The following LHFPL4 variants were observed in gnomAD, a reference collection of about 807,000 sequenced individuals.
LHFPL4 encodes LHFPL tetraspan subfamily member 4.
In LHFPL4, 6 loss-of-function variants were observed where a neutral mutation model predicts 20.0. The observed-to-expected ratio is 0.30, with a 90% CI of 0.16 to 0.59. The LOEUF is 0.59. Among genes scored for constraint, LHFPL4 ranks in the 20% least tolerant of loss-of-function variants. LHFPL4 has a pLI of 0.88. For synonymous variants in LHFPL4, 129 were observed against 143.8 expected (o/e 0.90, Z 0.74); for missense variants, 215 against 331.2 (o/e 0.65, Z 2.72).
intron 2 of LHFPL4, among the ~76,000 whole-genome samples, chr3:9,507,176 C>A (rs980808326): frequency 6.6e-6 from 1 of 152,296 alleles, no homozygotes; most frequent in African/African-American, 2.4e-5. Flanking sequence ...ACACTTAGCA[C>A]GGTGCCAGGC....
chr3:9,541,068 G>A (rs2046473405), intron 2 of LHFPL4, among the ~76,000 whole-genome samples: 1 of 151,888 alleles, frequency 6.6e-6, no homozygotes, highest in South Asian at 2.1e-4. Flanking sequence ...GCCTCCCTGA[G>A]TAGCTGGGAT....
chr3:9,514,201 G>A (rs2046282772), intron 2 of LHFPL4, among the ~76,000 whole-genome samples: 1 of 152,232 alleles, frequency 6.6e-6, no homozygotes, highest in South Asian at 2.1e-4. Context: ...CAGTACTTTG[G>A]GAGGATGAGG....
intron 2 of LHFPL4, among the ~76,000 whole-genome samples, chr3:9,527,890 C>T (rs2046385464): frequency 6.6e-6 from 1 of 150,594 alleles, no homozygotes; most frequent in South Asian, 2.1e-4. Context: ...GGTTCCAGAC[C>T]ACCGTAATAA....
At chr3:9,505,913 T>C (rs1004213006) in intron 3 of LHFPL4, 54 bp downstream of exon 3, 1 of 1,504,678 alleles carries the variant, frequency 6.6e-7, no homozygotes, top group African/African-American at 1.4e-5. Context: ...TTATCCTGCC[T>C]CCCAGGACCA....
At chr3:9,535,574 A>G (rs779252084) in intron 2 of LHFPL4, among the ~76,000 whole-genome samples, 1 of 141,284 alleles carries the variant, frequency 7.1e-6, no homozygotes, top group Non-Finnish European at 1.6e-5. Flanking sequence ...ATAATTTTTA[A>G]AAAGCAATAA....
intron 2 of LHFPL4, among the ~76,000 whole-genome samples, chr3:9,510,939 AAAATAAATAAATAAATAAAT>A (rs201323329): frequency 2.7e-5 from 4 of 147,454 alleles, no homozygotes; most frequent in East Asian, 2.0e-4. Context: ...CTCCATCTCA[AAAATAAATAAATAAATAAAT>A]AAATAAATAA....
At chr3:9,533,553 T>C (rs150109146) in intron 2 of LHFPL4, among the ~76,000 whole-genome samples, 20 of 152,278 alleles carry the variant, frequency 1.3e-4, no homozygotes, top group African/African-American at 4.3e-4. Context: ...GAGGCCAAGG[T>C]GGGCGGATCA....
At chr3:9,536,463 T>C (rs898213872) in intron 2 of LHFPL4, among the ~76,000 whole-genome samples, 2 of 152,104 alleles carry the variant, frequency 1.3e-5, no homozygotes, top group Non-Finnish European at 2.9e-5. Context: ...CCAATCCATT[T>C]GCAAGGCTGA....
At chr3:9,509,168 T>C (rs2046240558) in intron 2 of LHFPL4, among the ~76,000 whole-genome samples, 1 of 152,150 alleles carries the variant, frequency 6.6e-6, no homozygotes, top group South Asian at 2.1e-4. Flanking sequence ...GCACGTTTTT[T>C]CTGCCTCTGT....
chr3:9,529,028 C>T lies in LHFPL4; in HGVS notation c.407-22825G>A, dbSNP rs116479608. Among the ~76,000 whole-genome samples, 9 of 142,278 alleles carry T rather than the reference C, an allele frequency of 6.3e-5. No individual in the cohort carries two copies. In the South Asian group the frequency reaches 2.0e-3, roughly 32 times the overall value. The allele number at this position is 142,278 out of a possible 152,430, so 93.3% of individuals were successfully genotyped here. ...CACCTCCCGGGTTTAGGAAAATCAC[C>T]AATGTTCTTTTTTTTTTTTAGATGG... On this transcript the variant is annotated intron_variant, in intron 2 of 3. Transcript: ENST00000287585.
Position 9,502,278 on chromosome 3 carries a change from C to T in LHFPL4, c.677G>A (p.Arg226Gln), listed in dbSNP as rs940718067. ...CCATCCAGAGACATCACCCCCGGGCCGCAACACGGAGCTTACTGTAGAGCC... is the reference window on the plus strand; with the variant it reads ...CCATCCAGAGACATCACCCCCGGGCTGCAACACGGAGCTTACTGTAGAGCC... ...FVGSTVSSVL[R>Q]PGGDVSGWGV... is the part of the protein sequence containing the mutation. Residue 226 changes from arginine to glutamine, a missense_variant, in exon 4 of 4, where the codon CGG (arginine) becomes CAG (glutamine). By Grantham distance (43) the Arg-to-Gln change is conservative (BLOSUM62 1). This residue lies in a region of LHFPL4 where 51 missense variants were observed against 44.5 expected (regional missense o/e 1.15). Coordinates refer to ENST00000287585, the MANE Select transcript of LHFPL4 (RefSeq NM_198560.3). 1.2e-5 allele frequency: 19 copies of T among 1,613,534 alleles called. No individual in the cohort carries two copies. Among genetic ancestry groups the T allele is most frequent in the Admixed American group, 8.3e-5 (5 of 59,962 alleles).
At chr3:9,552,161 T>C in intron 2 of LHFPL4, 113 bp downstream of exon 2, 1 of 1,373,212 alleles carries the variant, frequency 7.3e-7, no homozygotes, top group East Asian at 2.4e-5. Flanking sequence ...AAGAGGTGAG[T>C]GTCTTAACAC....
chr3:9,505,770 G>A (rs996603398), intron 3 of LHFPL4, among the ~76,000 whole-genome samples, 197 bp downstream of exon 3: 1 of 151,476 alleles, frequency 6.6e-6, no homozygotes, highest in Non-Finnish European at 1.5e-5. Flanking sequence ...TGTTGACCAG[G>A]CTACTCTTGA....
intron 3 of LHFPL4, among the ~76,000 whole-genome samples, chr3:9,504,201 T>C (rs531014236): frequency 1.8e-4 from 27 of 152,152 alleles, no homozygotes; most frequent in African/African-American, 4.8e-4. Flanking sequence ...TGAAACCCCA[T>C]CTCTACTAAG....
chr3:9,538,121 T>C (rs2046454467), intron 2 of LHFPL4, among the ~76,000 whole-genome samples: 1 of 151,956 alleles, frequency 6.6e-6, no homozygotes, highest in Admixed American at 6.6e-5. Context: ...TCTAAATAGG[T>C]CTCCAATCTT....
At chr3:9,530,134 G>C (rs954747334) in intron 2 of LHFPL4, among the ~76,000 whole-genome samples, 1 of 152,168 alleles carries the variant, frequency 6.6e-6, no homozygotes, top group South Asian at 2.1e-4. Context: ...GTCACCAGCT[G>C]CATGGGTCCC....
chr3:9,547,880 AC>A (rs2046526305), intron 2 of LHFPL4, among the ~76,000 whole-genome samples: 2 of 152,136 alleles, frequency 1.3e-5, no homozygotes, highest in Admixed American at 1.3e-4. Context: ...ATCATGGCTC[AC>A]TGCAACCTCC....
At chr3:9,534,497 A>G (rs1574850711) in intron 2 of LHFPL4, among the ~76,000 whole-genome samples, 1 of 152,216 alleles carries the variant, frequency 6.6e-6, no homozygotes, top group Non-Finnish European at 1.5e-5. Context: ...ATGTGGGGGT[A>G]TATTTTCTTG....
intron 2 of LHFPL4, among the ~76,000 whole-genome samples, chr3:9,517,047 C>T (rs1359706690): frequency 6.6e-6 from 1 of 152,106 alleles, no homozygotes; most frequent in East Asian, 1.9e-4. Flanking sequence ...TCCCAAAGTG[C>T]TGGGATTACA....
Sources: allele counts gnomAD v4.1 joint callset (sites outside exome capture counted in the v4.1 genomes callset), GRCh38; gene constraint gnomAD v4.1.1; regional missense constraint gnomAD v4.1.1; transcripts MANE v1.5; gene names NCBI Gene and HGNC (gene_info 2026-07-23, HGNC 2026-07-21).